LRMDA: variants seen among roughly 807,000 people sequenced by gnomAD.
The protein encoded by LRMDA is leucine-rich melanocyte differentiation-associated protein.
LRMDA carries 18 observed loss-of-function variants against 29.8 expected under a neutral mutation model. The ratio of observed to expected loss-of-function variants is 0.60; its 90% CI spans 0.42 to 0.90. The LOEUF (loss-of-function observed/expected upper bound fraction) is 0.90. LRMDA is among the 40% of genes least tolerant of loss of function. The pLI is 0.00. For synonymous variants in LRMDA, 125 were observed against 109.4 expected (o/e 1.14, Z -0.89); for missense variants, 273 against 273.9 (o/e 1.00, Z 0.02).
intron 2 of LRMDA, among the ~76,000 whole-genome samples, chr10:75,758,400 C>G (rs1843057779): frequency 6.6e-6 from 1 of 152,248 alleles, no homozygotes; most frequent in Admixed American, 6.5e-5. Flanking sequence ...CCATCAAGAT[C>G]TGGTCTGTTC....
At chr10:76,483,688 T>G (rs1842754465) in intron 6 of LRMDA, among the ~76,000 whole-genome samples, 2 of 150,530 alleles carry the variant, frequency 1.3e-5, no homozygotes, top group Non-Finnish European at 3.0e-5. Flanking sequence ...CTGATTGTCC[T>G]CTAGCCAGGG....
At chr10:75,533,477 A>C (rs770158034) in intron 2 of LRMDA, among the ~76,000 whole-genome samples, 68 of 152,352 alleles carry the variant, frequency 4.5e-4, no homozygotes, top group Admixed American at 1.8e-3. Flanking sequence ...TGAGTTATTT[A>C]TAAATGAGTT....
At chr10:76,514,828 G>A (rs1353450638) in intron 6 of LRMDA, among the ~76,000 whole-genome samples, 1 of 152,070 alleles carries the variant, frequency 6.6e-6, no homozygotes, top group Admixed American at 6.6e-5. Flanking sequence ...ACGTCTTCAT[G>A]GGATCCATGA....
At chr10:76,374,828 A>G (rs1242797382) in intron 6 of LRMDA, among the ~76,000 whole-genome samples, 3 of 152,298 alleles carry the variant, frequency 2.0e-5, no homozygotes, top group Admixed American at 6.5e-5. Context: ...AAATTCTTGA[A>G]TCATGGCAAT....
At chr10:76,406,300 T>C (rs1309444775) in intron 6 of LRMDA, among the ~76,000 whole-genome samples, 1 of 152,200 alleles carries the variant, frequency 6.6e-6, no homozygotes, top group African/African-American at 2.4e-5. Flanking sequence ...GATCCCAACA[T>C]GACCCACAAA....
At chr10:75,870,424 C>G (rs981531207) in intron 2 of LRMDA, among the ~76,000 whole-genome samples, 1 of 152,214 alleles carries the variant, frequency 6.6e-6, no homozygotes, top group African/African-American at 2.4e-5. Context: ...AAGTGAGTCA[C>G]AGGAATCACA....
intron 2 of LRMDA, among the ~76,000 whole-genome samples, chr10:75,851,492 T>C (rs1844732644): frequency 6.6e-6 from 1 of 152,240 alleles, no homozygotes; most frequent in African/African-American, 2.4e-5. Context: ...TACCAAATTT[T>C]CTGGCTTCAG....
chr10:76,371,179 TC>T (rs1295783418), intron 6 of LRMDA, among the ~76,000 whole-genome samples: 2 of 152,184 alleles, frequency 1.3e-5, no homozygotes, highest in Admixed American at 6.5e-5. Context: ...CTTAGTTTTT[TC>T]CTTTGTCAAG....
At chr10:76,382,992 G>T (rs540291642) in intron 6 of LRMDA, among the ~76,000 whole-genome samples, 59 of 152,324 alleles carry the variant, frequency 3.9e-4, no homozygotes, top group Admixed American at 1.4e-3. Context: ...GACAATTACT[G>T]TTTTTAGTGG....
chr10:76,406,100 AT>A (rs1841899050), intron 6 of LRMDA, among the ~76,000 whole-genome samples: 2 of 152,194 alleles, frequency 1.3e-5, no homozygotes, highest in African/African-American at 2.4e-5. Context: ...GCTCATTTAC[AT>A]CTGCATATGT....
At chr10:76,100,811 G>C (rs1849383551) in intron 5 of LRMDA, among the ~76,000 whole-genome samples, 2 of 152,114 alleles carry the variant, frequency 1.3e-5, no homozygotes, top group African/African-American at 4.8e-5. Context: ...CCCTCCTGTA[G>C]AATTGAGGGT....
At chr10:75,755,309 A>T (rs1280579012) in intron 2 of LRMDA, among the ~76,000 whole-genome samples, 1 of 152,232 alleles carries the variant, frequency 6.6e-6, no homozygotes, top group Non-Finnish European at 1.5e-5. Context: ...CATTTGGGGC[A>T]CTATCTTATT....
chr10:76,308,960 A>C (rs1282953468), intron 5 of LRMDA, among the ~76,000 whole-genome samples: 3 of 152,156 alleles, frequency 2.0e-5, no homozygotes, highest in Non-Finnish European at 4.4e-5. Context: ...GTCTTTGATC[A>C]AAGAATGGCA....
chr10:75,878,720 C>A (rs1845242532), intron 2 of LRMDA, among the ~76,000 whole-genome samples: 1 of 152,060 alleles, frequency 6.6e-6, no homozygotes, highest in African/African-American at 2.4e-5. Context: ...CACCAGGGAC[C>A]CCACCCTTCT....
intron 3 of LRMDA, among the ~76,000 whole-genome samples, chr10:76,045,521 C>T (rs1398639157): frequency 6.6e-6 from 1 of 152,006 alleles, no homozygotes; most frequent in Non-Finnish European, 1.5e-5. Flanking sequence ...TGCTTGTACT[C>T]TGCTTCTCAT....
intron 5 of LRMDA, among the ~76,000 whole-genome samples, chr10:76,156,823 C>A (rs1850546235): frequency 6.6e-6 from 1 of 152,174 alleles, no homozygotes; most frequent in Non-Finnish European, 1.5e-5. Flanking sequence ...CAGGTAAGAT[C>A]AGATTTCTTC....
intron 2 of LRMDA, among the ~76,000 whole-genome samples, chr10:75,803,225 C>G (rs2132263559): frequency 6.6e-6 from 1 of 152,278 alleles, no homozygotes; most frequent in Admixed American, 6.5e-5. Context: ...TTTACCAAAC[C>G]TTTCCAAGGC....
intron 1 of LRMDA, among the ~76,000 whole-genome samples, chr10:75,436,438 AT>A (rs1844264714): frequency 6.6e-6 from 1 of 151,424 alleles, no homozygotes; most frequent in Non-Finnish European, 1.5e-5. Context: ...CCTGGGGTTC[AT>A]TGTGAACGTA....
At chr10:75,534,004 G>A (rs1021170415) in intron 2 of LRMDA, among the ~76,000 whole-genome samples, 1 of 152,188 alleles carries the variant, frequency 6.6e-6, no homozygotes, top group Non-Finnish European at 1.5e-5. Flanking sequence ...CGGGGCAGGT[G>A]GGTGGATCCA....
Sources: allele counts gnomAD v4.1 joint callset (sites outside exome capture counted in the v4.1 genomes callset), GRCh38; gene constraint gnomAD v4.1.1; transcripts MANE v1.5; gene names NCBI Gene and HGNC (gene_info 2026-07-23, HGNC 2026-07-21).